Variants in RIC8B observed in about 807,000 individuals in gnomAD.
RIC8B encodes the protein chaperone Ric-8B.
Under a neutral mutation model 57.5 loss-of-function variants are expected in RIC8B, and 16 were observed. The observed-to-expected ratio is 0.28, with a 90% CI of 0.19 to 0.42. RIC8B has a LOEUF of 0.42. Ranked by LOEUF, RIC8B falls within the 10% of genes least tolerant of loss-of-function variation. The probability of loss-of-function intolerance (pLI) is 1.00; values close to 1 mark genes in which losing one functional copy is unlikely to be tolerated. For synonymous variants in RIC8B, 216 were observed against 250.8 expected (o/e 0.86, Z 1.31); for missense variants, 481 against 677.0 (o/e 0.71, Z 3.21).
intron 8 of RIC8B, among the ~76,000 whole-genome samples, chr12:106,865,032 AT>A: frequency 6.6e-6 from 1 of 152,310 alleles, no homozygotes; most frequent in East Asian, 1.9e-4. Flanking sequence ...TACATTACAT[AT>A]ACACCTTTTG....
intron 8 of RIC8B, among the ~76,000 whole-genome samples, chr12:106,869,870 C>T (rs1950322653): frequency 6.6e-6 from 1 of 152,128 alleles, no homozygotes; most frequent in Admixed American, 6.5e-5. Flanking sequence ...ACCCAGGAAG[C>T]AGAGGTTGCA....
At chr12:106,869,557 G>C (rs919387953) in intron 8 of RIC8B, among the ~76,000 whole-genome samples, 1 of 151,856 alleles carries the variant, frequency 6.6e-6, no homozygotes, top group Non-Finnish European at 1.5e-5. Flanking sequence ...TCTTAAAGGC[G>C]TGGCTTCTGA....
chr12:106,804,833 G>A (rs12369214), intron 2 of RIC8B, among the ~76,000 whole-genome samples: 62,226 of 152,024 alleles, frequency 0.41, 13,294 homozygotes, highest in African/African-American at 0.54. Context: ...GAGATTAAGT[G>A]TTCTGGATTT....
intron 4 of RIC8B, among the ~76,000 whole-genome samples, chr12:106,827,420 C>T (rs1011085391): frequency 1.3e-5 from 2 of 152,044 alleles, no homozygotes; most frequent in African/African-American, 4.8e-5. Flanking sequence ...TTCAGTTTTC[C>T]AAAATACGGC....
intron 4 of RIC8B, 56 bp from the exon 5 acceptor site, chr12:106,842,533 T>G: frequency 7.3e-7 from 1 of 1,375,302 alleles, no homozygotes; most frequent in Non-Finnish European, 1.0e-6. Context: ...TATGTTTGCA[T>G]TTTAAAGGAC....
At chr12:106,820,230 A>G (rs555583423) in intron 3 of RIC8B, among the ~76,000 whole-genome samples, 5 of 152,320 alleles carry the variant, frequency 3.3e-5, no homozygotes, top group African/African-American at 9.6e-5. Flanking sequence ...AGGTTTAGCA[A>G]ATTAGTGCAA....
At chr12:106,836,060 C>G (rs530762493) in intron 4 of RIC8B, among the ~76,000 whole-genome samples, 1 of 152,232 alleles carries the variant, frequency 6.6e-6, no homozygotes, top group Non-Finnish European at 1.5e-5. Context: ...TCACTAGTGA[C>G]TTCTGTGTTG....
At chr12:106,839,662 G>A (rs2046778563) in intron 4 of RIC8B, among the ~76,000 whole-genome samples, 1 of 152,190 alleles carries the variant, frequency 6.6e-6, no homozygotes, top group South Asian at 2.1e-4. Flanking sequence ...TTAGAATGTT[G>A]CTAAGGGAAT....
In RIC8B at chr12:106,873,256, T is replaced by C. The variant is rs1479018842; in HGVS notation, c.1571+2314T>C. The C allele has an allele frequency of 3.3e-6, 3 of 913,220 alleles. No homozygotes were observed. The East Asian group carries it at 3.5e-4, about 107-fold the overall frequency. The allele number at this position is 913,220 out of a possible 1,614,324, so 56.6% of individuals were successfully genotyped here. On this transcript the variant is annotated intron_variant, in intron 9 of 9. Transcript: ENST00000392837. ...ATGGTATCAATTTTGCCATTAAAGT[T>C]GAAGCAAAAGGCAACCTTGAGAATA...
At chr12:106,803,054 T>TA (rs1299943456) in intron 2 of RIC8B, among the ~76,000 whole-genome samples, 24 of 148,812 alleles carry the variant, frequency 1.6e-4, no homozygotes, top group Non-Finnish European at 3.0e-4. Context: ...TCTTTAAAAG[T>TA]AAAAAAAAAT....
At chr12:106,852,272 T>C (rs1021161981) in intron 7 of RIC8B, among the ~76,000 whole-genome samples, 6 of 152,264 alleles carry the variant, frequency 3.9e-5, no homozygotes, top group Admixed American at 1.3e-4. Flanking sequence ...ACTTTGATTA[T>C]TCAGTTATTC....
chr12:106,833,916 G>T (rs569699542), intron 4 of RIC8B, among the ~76,000 whole-genome samples: 1 of 152,198 alleles, frequency 6.6e-6, no homozygotes, highest in Non-Finnish European at 1.5e-5. Flanking sequence ...GCTGTTAAAA[G>T]AACCTAGCAC....
chr12:106,870,215 G>A (rs992016937), intron 8 of RIC8B, among the ~76,000 whole-genome samples: 2 of 152,040 alleles, frequency 1.3e-5, no homozygotes, highest in African/African-American at 2.4e-5. Context: ...TGATATACCT[G>A]TCTCTTGGTA....
chr12:106,797,354 T>C (rs1257555321), intron 2 of RIC8B, among the ~76,000 whole-genome samples: 1 of 152,210 alleles, frequency 6.6e-6, no homozygotes, highest in African/African-American at 2.4e-5. Flanking sequence ...ACAACATGGA[T>C]GAACCTTGAA....
At chr12:106,835,230 T>C (rs539766526) in intron 4 of RIC8B, among the ~76,000 whole-genome samples, 1 of 152,266 alleles carries the variant, frequency 6.6e-6, no homozygotes, top group African/African-American at 2.4e-5. Context: ...CATACAAGAC[T>C]TTTTATAATG....
intron 4 of RIC8B, among the ~76,000 whole-genome samples, chr12:106,828,338 A>T (rs2046204025): frequency 6.6e-6 from 1 of 152,210 alleles, no homozygotes; most frequent in Non-Finnish European, 1.5e-5. Flanking sequence ...TTTAAATTCA[A>T]TGAAAATGGC....
intron 2 of RIC8B, among the ~76,000 whole-genome samples, chr12:106,797,130 C>A (rs1029584582): frequency 2.6e-5 from 4 of 152,132 alleles, no homozygotes; most frequent in African/African-American, 9.7e-5. Flanking sequence ...GAATAATTAC[C>A]ATATGACCCA....
chr12:106,796,973 C>A (rs1318228170), intron 2 of RIC8B, among the ~76,000 whole-genome samples: 1 of 152,158 alleles, frequency 6.6e-6, no homozygotes, highest in East Asian at 1.9e-4. Context: ...CATAAAATAT[C>A]AATTCATACC....
chr12:106,781,962 TA>T (rs2043782455), intron 1 of RIC8B, among the ~76,000 whole-genome samples: 3 of 152,198 alleles, frequency 2.0e-5, no homozygotes, highest in Admixed American at 6.5e-5. Context: ...ACCTCAGGTC[TA>T]TACATTTCTA....
Sources: gnomAD v4.1 joint callset for allele counts (sites outside exome capture counted in the v4.1 genomes callset) on GRCh38, gnomAD v4.1.1 for gene constraint, MANE v1.5 for transcripts, NCBI Gene and HGNC (gene_info 2026-07-23, HGNC 2026-07-21) for gene names.